GALM: variants seen among roughly 807,000 people sequenced by gnomAD.
The protein encoded by GALM is galactose mutarotase.
GALM carries 43 observed loss-of-function variants against 37.4 expected under a neutral mutation model. The observed-to-expected ratio is 1.15, with a 90% CI of 0.90 to 1.48. The LOEUF is 1.48. Ranked by LOEUF, GALM falls within the 40% of genes most tolerant of loss-of-function variation. GALM has a pLI of 0.00. For missense variants in GALM, 456 were observed against 419.1 expected, an observed-to-expected ratio of 1.09 and a Z score of -0.77; for synonymous variants, 199 against 170.6, an observed-to-expected ratio of 1.17 and a Z score of -1.30.
chr2:38,713,710 TC>T (rs1414749499), intron 4 of GALM, among the ~76,000 whole-genome samples: 3 of 152,136 alleles, frequency 2.0e-5, no homozygotes, highest in South Asian at 2.1e-4. Flanking sequence ...TTGAGACCAG[TC>T]TGAGCAACAT....
chr2:38,704,996 C>T (rs1666009413), intron 4 of GALM, among the ~76,000 whole-genome samples: 1 of 152,172 alleles, frequency 6.6e-6, no homozygotes, highest in South Asian at 2.1e-4. Context: ...GATTGGCAAA[C>T]ATGAACCAGC....
chr2:38,713,533 C>T lies in GALM; in HGVS notation c.635-16023C>T, dbSNP rs142239284. Among the ~76,000 whole-genome samples the T allele has an allele frequency of 1.9e-4, 29 of 152,234 alleles. 1 individual carries two copies. Among genetic ancestry groups the T allele is most frequent in the African/African-American group, 5.5e-4 (23 of 41,532 alleles). On this transcript the variant is annotated intron_variant, in intron 4 of 6. Transcript: ENST00000272252. ...AAACCTTAGTGAAGTGATCTTGAAT[C>T]GCTGATTTACAGGGCTGATTTTGAC... is the stretch of plus-strand genomic sequence containing the variant.
chr2:38,708,639 GA>G (rs1476985610), intron 4 of GALM, among the ~76,000 whole-genome samples: 1 of 150,620 alleles, frequency 6.6e-6, no homozygotes, highest in African/African-American at 2.5e-5. Context: ...TACTCAGGAA[GA>G]ATGGCATGAA....
chr2:38,722,220 C>T (rs745630802), intron 4 of GALM, among the ~76,000 whole-genome samples: 2 of 151,956 alleles, frequency 1.3e-5, no homozygotes, highest in African/African-American at 4.8e-5. Context: ...ATGAGAATCA[C>T]CCCTTTGCAC....
At position 38,686,220 on chromosome 2, in the gene GALM, A is replaced by ATTTCTTTC. The variant is rs200050911; in HGVS notation, c.553-3542_553-3535dup. Among the ~76,000 whole-genome samples the ATTTCTTTC allele has an allele frequency of 3.2e-3, 296 of 93,622 alleles. 6 individuals are homozygous for ATTTCTTTC. Among genetic ancestry groups the ATTTCTTTC allele is most frequent in the African/African-American group, 9.6e-3 (214 of 22,364 alleles). The allele number at this position is 93,622 out of a possible 152,430, so 61.4% of individuals were successfully genotyped here. A position where few individuals can be genotyped will look rare whatever the true frequency, so the allele number is the denominator to read the frequency against. ...AAAAAAAAAACCACAGAAAGTGGAAATTTCTTTCTTTCTTTCTTTCTTTCT... is the reference window on the plus strand; with the variant it reads ...AAAAAAAAAACCACAGAAAGTGGAAATTTCTTTCTTTCTTTCTTTCTTTCTTTCTTTCT... On this transcript the variant is annotated intron_variant, in intron 3 of 6. Transcript: ENST00000272252.
At chr2:38,699,181 T>C (rs1355295257) in intron 4 of GALM, among the ~76,000 whole-genome samples, 1 of 152,224 alleles carries the variant, frequency 6.6e-6, no homozygotes, top group Non-Finnish European at 1.5e-5. Flanking sequence ...CTCAAAGTGC[T>C]GGGGTTACAG....
intron 4 of GALM, among the ~76,000 whole-genome samples, chr2:38,702,932 TTATATA>T (rs202010853): frequency 7.4e-6 from 1 of 134,888 alleles, no homozygotes; most frequent in East Asian, 2.1e-4. Flanking sequence ...TATATACTTT[TTATATA>T]TATATATATA....
Position 38,666,123 on chromosome 2 carries a change from T to C in GALM, c.-39T>C. On this transcript the variant is annotated 5_prime_UTR_variant, in exon 1 of 7. Coordinates refer to ENST00000272252, the MANE Select transcript of GALM (RefSeq NM_138801.3). Reference sequence around the variant, plus strand: ...CTCTAGCTTAGCGAGCGCTGGAGTTTGAAGAGCGGGCAGTGGCTGCACACG... The same window carrying C: ...CTCTAGCTTAGCGAGCGCTGGAGTTCGAAGAGCGGGCAGTGGCTGCACACG... 6.3e-7 allele frequency: 1 copy of C among 1,575,128 alleles called. No homozygotes were observed. The highest frequency in any genetic ancestry group is 8.6e-7 in the Non-Finnish European group (1 of 1,157,904).
rs1236483821 is a variant in GALM at position 38,670,416 on chromosome 2, A to AG, written c.190+4067dup. Among the ~76,000 whole-genome samples the AG allele has an allele frequency of 5.3e-5, 8 of 152,322 alleles. No homozygotes were observed. In the East Asian group the frequency reaches 1.5e-3, roughly 29 times the overall value. On this transcript the variant is annotated intron_variant, in intron 1 of 6. Transcript: ENST00000272252. ...AAACCTGGGTTCAGAAGCAGGGATG[A>AG]GGAAAAAAAAGGATCAGGTTAGAGG...
chr2:38,673,026 T>C (rs1665151787), intron 1 of GALM, among the ~76,000 whole-genome samples: 1 of 151,834 alleles, frequency 6.6e-6, no homozygotes, highest in Non-Finnish European at 1.5e-5. Context: ...AACACAACAC[T>C]CAGTAAGTGT....
At chr2:38,694,245 G>A (rs1253998496) in intron 4 of GALM, among the ~76,000 whole-genome samples, 2 of 152,056 alleles carry the variant, frequency 1.3e-5, no homozygotes, top group African/African-American at 4.8e-5. Flanking sequence ...AGAAAGAAAA[G>A]AAAAGTAAAT....
At chr2:38,729,503 T>C in intron 4 of GALM, 53 bp from the exon 5 acceptor site, 1 of 1,568,658 alleles carries the variant, frequency 6.4e-7, no homozygotes, top group Non-Finnish European at 8.7e-7. Context: ...AGGCTCTATA[T>C]AAAGATGAGA....
chr2:38,698,511 CT>C, intron 4 of GALM: 2 of 581,760 alleles, frequency 3.4e-6, no homozygotes, highest in Non-Finnish European at 5.1e-6. Context: ...TTCTTAGCTA[CT>C]TAAAAAAAAA....
At chr2:38,675,541 T>G (rs11682075) in intron 1 of GALM, among the ~76,000 whole-genome samples, 5,210 of 63,326 alleles carry the variant, frequency 0.082, 100 homozygotes, top group African/African-American at 0.12. Flanking sequence ...TTTTTTTTTT[T>G]TTTGTGTGTG....
rs190151205 is a variant in GALM at position 38,675,596 on chromosome 2, T to A, written c.191-316T>A. 3.7e-3 allele frequency among the ~76,000 whole-genome samples: 500 copies of A among 133,636 alleles called. 1 individual carries two copies. The highest frequency in any genetic ancestry group is 6.7e-3 in the Non-Finnish European group (427 of 64,044). The allele number at this position is 133,636 out of a possible 152,430, so 87.7% of individuals were successfully genotyped here. A position where few individuals can be genotyped will look rare whatever the true frequency, so the allele number is the denominator to read the frequency against. On this transcript the variant is annotated intron_variant, in intron 1 of 6. Coordinates refer to ENST00000272252, the MANE Select transcript of GALM (RefSeq NM_138801.3). ...GTGTGTGTGTGTGTGTGTGATGGAGTCTCGCTCTGTCGCCCAGGCTGGAAT... is the reference window on the plus strand; with the variant it reads ...GTGTGTGTGTGTGTGTGTGATGGAGACTCGCTCTGTCGCCCAGGCTGGAAT...
intron 4 of GALM, among the ~76,000 whole-genome samples, chr2:38,704,042 T>TAAATA (rs70954745): frequency 0.13 from 19,321 of 149,808 alleles, 1,629 homozygotes; most frequent in East Asian, 0.38. Flanking sequence ...AATAAATAAA[T>TAAATA]AAATAAAATA....
intron 4 of GALM, among the ~76,000 whole-genome samples, chr2:38,710,354 G>C (rs925436237): frequency 6.6e-6 from 1 of 152,300 alleles, no homozygotes; most frequent in East Asian, 1.9e-4. Context: ...CCAGCACTCA[G>C]ATGCTTCTGG....
chr2:38,729,911 C>T (rs1572547170), intron 5 of GALM, among the ~76,000 whole-genome samples: 2 of 152,166 alleles, frequency 1.3e-5, no homozygotes, highest in East Asian at 3.9e-4. Context: ...ATTCCCCCTG[C>T]TTGGCACCCG....
chr2:38,675,549 GT>G (rs1665237272), intron 1 of GALM, among the ~76,000 whole-genome samples: 1 of 77,594 alleles, frequency 1.3e-5, no homozygotes, highest in African/African-American at 7.6e-5. Context: ...TTTTTTGTGT[GT>G]GTGTGTGTGT....
Sources: allele counts gnomAD v4.1 joint callset (sites outside exome capture counted in the v4.1 genomes callset), GRCh38; gene constraint gnomAD v4.1.1; transcripts MANE v1.5; gene names NCBI Gene and HGNC (gene_info 2026-07-23, HGNC 2026-07-21).